The following DHRSX variants were observed in gnomAD, a reference collection of about 807,000 sequenced individuals.
The protein encoded by DHRSX is polyprenol dehydrogenase.
In DHRSX, 31 loss-of-function variants were observed where a neutral mutation model predicts 34.0. That is an observed-to-expected ratio of 0.91 (90% confidence interval 0.69 to 1.23). DHRSX has a LOEUF of 1.23. DHRSX is among the 50% of genes most tolerant of loss of function. The pLI is 0.00. For missense variants in DHRSX, 414 were observed against 428.1 expected, an observed-to-expected ratio of 0.97 and a Z score of 0.29; for synonymous variants, 201 against 183.8, an observed-to-expected ratio of 1.09 and a Z score of -0.76.
chrX:2,346,342 C>T (rs192685512), intron 3 of DHRSX, among the ~76,000 whole-genome samples: 6 of 152,080 alleles, frequency 3.9e-5, no homozygotes, highest in East Asian at 1.9e-4. Flanking sequence ...GGATTTAATA[C>T]GTGCTCAAAT....
At chrX:2,356,387 A>G (rs1431199263) in intron 3 of DHRSX, among the ~76,000 whole-genome samples, 3 of 152,310 alleles carry the variant, frequency 2.0e-5, no homozygotes, top group African/African-American at 7.2e-5. Context: ...AAAAAGAAAA[A>G]AAATGAATGT....
rs755102726 is a variant in DHRSX, at chrX:2,342,317, T to C, written c.287-50714A>G. ...AAAGCAAGCCCTGACTTCTCTCTTCTCTCATTGAGACAGAGCACACACCCT... is the reference window on the plus strand; with the variant it reads ...AAAGCAAGCCCTGACTTCTCTCTTCCCTCATTGAGACAGAGCACACACCCT... On this transcript the variant is annotated intron_variant, in intron 3 of 6. Coordinates refer to ENST00000334651, the MANE Select transcript of DHRSX (RefSeq NM_145177.3). Among the ~76,000 whole-genome samples the C allele has an allele frequency of 4.6e-5, 7 of 152,198 alleles. No individual in the cohort carries two copies. In the Admixed American group the frequency reaches 4.6e-4, roughly 10 times the overall value.
At chrX:2,462,401 T>C (rs768196913) in intron 1 of DHRSX, among the ~76,000 whole-genome samples, 1 of 152,086 alleles carries the variant, frequency 6.6e-6, no homozygotes, top group African/African-American at 2.4e-5. Flanking sequence ...ACAACATTTA[T>C]ATAAAATTTA....
chrX:2,291,369 T>C, intron 4 of DHRSX, 133 bp downstream of exon 4: 1 of 715,228 alleles, frequency 1.4e-6, no homozygotes, highest in African/African-American at 1.8e-5. Flanking sequence ...AAGCACTGAC[T>C]AGAAATAGCA....
In DHRSX at chrX:2,466,755, G is replaced by A. The variant is rs138750079; in HGVS notation, c.109+34062C>T. Among the ~76,000 whole-genome samples, 102 of 152,030 alleles carry A rather than the reference G, an allele frequency of 6.7e-4. 1 individual carries two copies. The highest frequency in any genetic ancestry group is 7.2e-4 in the African/African-American group (30 of 41,454). On this transcript the variant is annotated intron_variant, in intron 1 of 6. Transcript: ENST00000334651. ...CAAGACATGCAATTTACCTGCGCAC[G>A]TCCCCCTCAACCTGAAATCAAAGTG...
intron 6 of DHRSX, among the ~76,000 whole-genome samples, chrX:2,232,249 G>C (rs1352602516): frequency 6.6e-6 from 1 of 151,778 alleles, no homozygotes; most frequent in East Asian, 1.9e-4. Context: ...GTTTCTAAAA[G>C]TCTTCCTCTG....
intron 1 of DHRSX, among the ~76,000 whole-genome samples, chrX:2,474,194 G>A (rs1185067694): frequency 1.3e-5 from 2 of 152,126 alleles, no homozygotes; most frequent in African/African-American, 4.8e-5. Context: ...ACGAACTGAA[G>A]ACGTTTTCTA....
chrX:2,366,989 GC>G (rs2043001225), intron 3 of DHRSX, among the ~76,000 whole-genome samples: 1 of 152,054 alleles, frequency 6.6e-6, no homozygotes. Context: ...ATGTGTATGT[GC>G]GGTTTCTCAT....
Position 2,254,395 on chromosome X carries a change from T to C in DHRSX, c.597-11165A>G, listed in dbSNP as rs183408235. 6.2e-4 allele frequency among the ~76,000 whole-genome samples: 95 copies of C among 152,318 alleles called. 2 individuals are homozygous for C. Among genetic ancestry groups the C allele is most frequent in the Non-Finnish European group, 3.2e-4 (22 of 68,030 alleles). On this transcript the variant is annotated intron_variant, in intron 5 of 6. Transcript: ENST00000334651. ...TAGTTGACTGGAGCTATTTTTCCAG[T>C]GCTCATTAAACCTGATGACAATCAC...
At chrX:2,360,898 C>T (rs745503064) in intron 3 of DHRSX, among the ~76,000 whole-genome samples, 8 of 152,110 alleles carry the variant, frequency 5.3e-5, no homozygotes, top group South Asian at 2.1e-4. Context: ...AATACATATC[C>T]GGAGCGAGAA....
At chrX:2,298,515 T>G (rs1471346974) in intron 3 of DHRSX, among the ~76,000 whole-genome samples, 1 of 151,208 alleles carries the variant, frequency 6.6e-6, no homozygotes, top group African/African-American at 2.5e-5. Flanking sequence ...CCAGGTTGCT[T>G]GGCAAGATGA....
chrX:2,396,139 TCTC>T (rs2043406607), intron 3 of DHRSX, among the ~76,000 whole-genome samples: 1 of 151,914 alleles, frequency 6.6e-6, no homozygotes. Context: ...CACAAGGCCT[TCTC>T]CTCTGTGTCT....
At position 2,429,223 on chromosome X, in the gene DHRSX, A is replaced by T. The variant is rs376483137; in HGVS notation, c.110-3919T>A. 4.6e-5 allele frequency among the ~76,000 whole-genome samples: 7 copies of T among 151,318 alleles called. 1 individual carries two copies. Among genetic ancestry groups the T allele is most frequent in the African/African-American group, 1.5e-4 (6 of 40,696 alleles). On this transcript the variant is annotated intron_variant, in intron 1 of 6. Coordinates refer to ENST00000334651, the MANE Select transcript of DHRSX (RefSeq NM_145177.3). ...GTAGATGTATTGATGTTCTTAATTT[A>T]CTAAGTTTATTTTAAAAATAGGAAT...
intron 5 of DHRSX, among the ~76,000 whole-genome samples, chrX:2,260,325 G>T (rs2041346196): frequency 6.6e-6 from 1 of 151,080 alleles, no homozygotes; most frequent in Non-Finnish European, 1.5e-5. Flanking sequence ...GGAGGGGAGG[G>T]TCCTTCCTGC....
At chrX:2,442,284 G>A (rs1203955924) in intron 1 of DHRSX, among the ~76,000 whole-genome samples, 3 of 151,516 alleles carry the variant, frequency 2.0e-5, no homozygotes, top group African/African-American at 7.3e-5. Context: ...AGGAGGAGGA[G>A]GAGGAACAAA....
chrX:2,376,154 C>T (rs1381516141), intron 3 of DHRSX, among the ~76,000 whole-genome samples: 3 of 137,380 alleles, frequency 2.2e-5, no homozygotes, highest in African/African-American at 2.5e-5. Context: ...CAGAATTTGG[C>T]GAACACGTGA....
intron 4 of DHRSX, among the ~76,000 whole-genome samples, chrX:2,282,651 G>A (rs1465857808): frequency 5.8e-5 from 8 of 137,010 alleles, no homozygotes; most frequent in East Asian, 4.5e-4. Context: ...AGGGAGAGAG[G>A]GAGAGAGAGA....
chrX:2,496,625 C>T (rs1031847693), intron 1 of DHRSX, among the ~76,000 whole-genome samples: 4 of 152,046 alleles, frequency 2.6e-5, no homozygotes, highest in Non-Finnish European at 5.9e-5. Context: ...TCCCCAATAA[C>T]CTATGGAAAT....
chrX:2,266,153 C>A (rs1261763775), intron 5 of DHRSX, among the ~76,000 whole-genome samples: 1 of 146,068 alleles, frequency 6.8e-6, no homozygotes, highest in Non-Finnish European at 1.5e-5. Flanking sequence ...ACCCAGAGCA[C>A]CAGTGTACAG....
Sources: gnomAD v4.1 joint callset for allele counts (sites outside exome capture counted in the v4.1 genomes callset) on GRCh38, gnomAD v4.1.1 for gene constraint, MANE v1.5 for transcripts, NCBI Gene and HGNC (gene_info 2026-07-23, HGNC 2026-07-21) for gene names.